The following DTWD1 variants were observed in gnomAD, a reference collection of about 807,000 sequenced individuals.
DTWD1 encodes the protein tRNA-uridine aminocarboxypropyltransferase 1.
Under a neutral mutation model 30.2 loss-of-function variants are expected in DTWD1, and 27 were observed. The observed-to-expected ratio is 0.90, with a 90% CI of 0.66 to 1.23. DTWD1 has a LOEUF of 1.23. Among genes scored for constraint, DTWD1 ranks in the 50% most tolerant of loss-of-function variants. The probability of loss-of-function intolerance (pLI) is 0.00; values close to 1 mark genes in which losing one functional copy is unlikely to be tolerated. For missense variants in DTWD1, 342 were observed against 348.8 expected (o/e 0.98, Z 0.15); for synonymous variants, 99 against 113.1 (o/e 0.88, Z 0.79).
intron 1 of DTWD1, chr15:49,621,343 T>G (rs946657925): frequency 2.6e-5 from 4 of 151,928 alleles, no homozygotes; most frequent in African/African-American, 9.7e-5. Flanking sequence ...TCCAAATTTT[T>G]CCTCAAAAAA....
In DTWD1 at chr15:49,625,527, GTTA is replaced by G. The variant is rs1041846440; in HGVS notation, c.264+102_264+104del. 6.7e-6 allele frequency: 8 copies of G among 1,191,042 alleles called. No homozygotes were observed. In the Admixed American group the frequency reaches 8.8e-5, roughly 13 times the overall value. The allele number at this position is 1,191,042 out of a possible 1,614,324, so 73.8% of individuals were successfully genotyped here. On this transcript the variant is annotated intron_variant, in intron 2 of 4. Transcript: ENST00000403028. ...CTAATTGATAAACTTAATAAATAATGTTATTATTGTTAGAAACAAGTGCTTGTT... is the reference window on the plus strand; with the variant it reads ...CTAATTGATAAACTTAATAAATAATGTTATTGTTAGAAACAAGTGCTTGTT...
At chr15:49,626,760 T>A in intron 2 of DTWD1, 1 of 445,304 alleles carries the variant, frequency 2.2e-6, no homozygotes, top group Non-Finnish European at 4.6e-6. Flanking sequence ...CTATATCATC[T>A]TGGCCAGTCC....
chr15:49,650,011 G>GA lies in DTWD1; in HGVS notation c.*6434dup, dbSNP rs1428892057. ...TAAAATTGAGCAGAGACCTAAATGA[G>GA]AGAGAGTGAACCATGCGAATAATTA... On this transcript the variant is annotated 3_prime_UTR_variant, in exon 5 of 5. Coordinates refer to ENST00000403028, the MANE Select transcript of DTWD1 (RefSeq NM_001144955.2). 1 of 147,364 alleles carries GA rather than the reference G, an allele frequency of 6.8e-6. No individual in the cohort carries two copies. The allele number at this position is 147,364 out of a possible 1,614,324, so 9.1% of individuals were successfully genotyped here.
intron 3 of DTWD1, among the ~76,000 whole-genome samples, chr15:49,632,602 C>G (rs577920720): frequency 1.3e-5 from 2 of 152,252 alleles, no homozygotes; most frequent in Admixed American, 1.3e-4. Flanking sequence ...TCTCCTTCTC[C>G]TGTTTGTGCT....
At position 49,654,021 on chromosome 15, in the gene DTWD1, A is replaced by T. The variant is rs1234255947; in HGVS notation, c.*10443A>T. The T allele has an allele frequency of 6.6e-6, 1 of 152,006 alleles. No individual in the cohort carries two copies. Among genetic ancestry groups the T allele is most frequent in the Non-Finnish European group, 1.5e-5 (1 of 67,992 alleles). 9.4% of individuals were successfully genotyped at this position (152,006 alleles called of 1,614,324 possible). ...TAGCCTCTTCCTTTGGTGTAGGGGG[A>T]CCCTGAAAACAATTTAATTTTATGC... On this transcript the variant is annotated 3_prime_UTR_variant, in exon 5 of 5. Transcript: ENST00000403028.
chr15:49,626,392 T>A (rs2078845047), intron 2 of DTWD1, among the ~76,000 whole-genome samples: 1 of 152,170 alleles, frequency 6.6e-6, no homozygotes, highest in Non-Finnish European at 1.5e-5. Context: ...ATTAGAGTGA[T>A]TTTAAGCCCG....
chr15:49,625,548 T>C, intron 2 of DTWD1, 117 bp downstream of exon 2: 1 of 1,101,452 alleles, frequency 9.1e-7, no homozygotes. Flanking sequence ...TAGAAACAAG[T>C]GCTTGTTGCT....
chr15:49,640,849 T>G (rs1019071694), intron 4 of DTWD1, among the ~76,000 whole-genome samples: 4 of 152,098 alleles, frequency 2.6e-5, no homozygotes, highest in Non-Finnish European at 4.4e-5. Flanking sequence ...TGGTTCATCT[T>G]TTCAATTTCT....
chr15:49,624,403 C>A (rs2153350942), intron 1 of DTWD1, among the ~76,000 whole-genome samples: 1 of 152,310 alleles, frequency 6.6e-6, no homozygotes, highest in East Asian at 1.9e-4. Flanking sequence ...AGCCATCACC[C>A]TTCTTTGAAG....
chr15:49,625,155 G>C lies in DTWD1; in HGVS notation c.-13G>C. 6.2e-7 allele frequency: 1 copy of C among 1,609,988 alleles called. No homozygotes were observed. The highest frequency in any genetic ancestry group is 8.5e-7 in the Non-Finnish European group (1 of 1,177,592). On this transcript the variant is annotated 5_prime_UTR_variant, in exon 2 of 5. Coordinates refer to ENST00000403028, the MANE Select transcript of DTWD1 (RefSeq NM_001144955.2). The stretch of plus-strand genomic sequence containing the variant: ...TTTTAGAAATAGCCGTTAAACTTTG[G>C]TTTGAATGAAGAATGTCTCTCAATC...
At chr15:49,634,450 T>C (rs2078973586) in intron 3 of DTWD1, 86 bp from the exon 4 acceptor site, 2 of 1,395,856 alleles carry the variant, frequency 1.4e-6, no homozygotes, top group Non-Finnish European at 9.6e-7. Flanking sequence ...ATTCAACATA[T>C]CTTTCTTAAA....
At chr15:49,622,757 C>T (rs948030873) in intron 1 of DTWD1, among the ~76,000 whole-genome samples, 10 of 152,270 alleles carry the variant, frequency 6.6e-5, no homozygotes, top group African/African-American at 2.4e-4. Context: ...GTTTCAGAGA[C>T]CACTGGAGGG....
intron 2 of DTWD1, among the ~76,000 whole-genome samples, chr15:49,625,914 T>C (rs7176887): frequency 0.06 from 9,078 of 151,948 alleles, 704 homozygotes; most frequent in African/African-American, 0.18. Context: ...GAAACGAGAG[T>C]ACAAGGAGCT....
In DTWD1 at chr15:49,647,448, C is replaced by T. The variant is rs191883435; in HGVS notation, c.*3870C>T. ...TAATTTTGAGCTTGTCTGTTTCTTACATTTCTCATTTTGACAGAATAAGCT... is the reference window on the plus strand; with the variant it reads ...TAATTTTGAGCTTGTCTGTTTCTTATATTTCTCATTTTGACAGAATAAGCT... On this transcript the variant is annotated 3_prime_UTR_variant, in exon 5 of 5. Transcript: ENST00000403028. 1.3e-5 allele frequency: 2 copies of T among 152,104 alleles called. No individual in the cohort carries two copies. The highest frequency in any genetic ancestry group is 4.8e-5 in the African/African-American group (2 of 41,432). The allele number at this position is 152,104 out of a possible 1,614,324, so 9.4% of individuals were successfully genotyped here. A position where few individuals can be genotyped will look rare whatever the true frequency, so the allele number is the denominator to read the frequency against.
rs574494204 is a variant in DTWD1, at chr15:49,648,098, T to A, written c.*4520T>A. The A allele has an allele frequency of 3.3e-5, 5 of 152,266 alleles. No homozygotes were observed. Among genetic ancestry groups the A allele is most frequent in the Admixed American group, 2.6e-4 (4 of 15,286 alleles). The allele number at this position is 152,266 out of a possible 1,614,324, so 9.4% of individuals were successfully genotyped here. A position where few individuals can be genotyped will look rare whatever the true frequency, so the allele number is the denominator to read the frequency against. ...AAGGCAATAGAGCTTGTAACAGCTA[T>A]TACCCTTGGTTGTAAAGGAGAAGGT... On this transcript the variant is annotated 3_prime_UTR_variant, in exon 5 of 5. Coordinates refer to ENST00000403028, the MANE Select transcript of DTWD1 (RefSeq NM_001144955.2).
At chr15:49,632,405 T>C (rs1011780265) in intron 3 of DTWD1, 103 bp downstream of exon 3, 1 of 1,129,238 alleles carries the variant, frequency 8.9e-7, no homozygotes, top group Non-Finnish European at 1.3e-6. Context: ...ATATTTTTCT[T>C]AGTAAAGTAT....
At chr15:49,623,263 G>C (rs2078792786) in intron 1 of DTWD1, among the ~76,000 whole-genome samples, 1 of 152,088 alleles carries the variant, frequency 6.6e-6, no homozygotes, top group South Asian at 2.1e-4. Context: ...AATAACTCAG[G>C]ACTATTAAAG....
In DTWD1 at chr15:49,648,984, T is replaced by G. The variant is rs772859333; in HGVS notation, c.*5406T>G. The G allele has an allele frequency of 6.6e-6, 1 of 152,140 alleles. No individual in the cohort carries two copies. Among genetic ancestry groups the G allele is most frequent in the Non-Finnish European group, 1.5e-5 (1 of 68,020 alleles). 9.4% of individuals were successfully genotyped at this position (152,140 alleles called of 1,614,324 possible). A position where few individuals can be genotyped will look rare whatever the true frequency, so the allele number is the denominator to read the frequency against. On this transcript the variant is annotated 3_prime_UTR_variant, in exon 5 of 5. Transcript: ENST00000403028. The stretch of plus-strand genomic sequence containing the variant: ...ATTAAGGGCCAATCTAAGAGGTCCT[T>G]CATTTGAATAATAGGAGTAACAGAA...
chr15:49,639,786 G>A (rs534022685), intron 4 of DTWD1, among the ~76,000 whole-genome samples: 5 of 152,200 alleles, frequency 3.3e-5, no homozygotes, highest in African/African-American at 9.6e-5. Context: ...CCATAGTGCT[G>A]TGGCATCATT....
Sources: allele counts gnomAD v4.1 joint callset (sites outside exome capture counted in the v4.1 genomes callset), GRCh38; gene constraint gnomAD v4.1.1; transcripts MANE v1.5; gene names NCBI Gene and HGNC (gene_info 2026-07-23, HGNC 2026-07-21).